RARB: variants seen among roughly 807,000 people sequenced by gnomAD.
RARB encodes HBV-activated protein.
RARB carries 17 observed loss-of-function variants against 51.9 expected under a neutral mutation model. The ratio of observed to expected loss-of-function variants is 0.33; its 90% CI spans 0.22 to 0.49. RARB has a LOEUF of 0.49. Ranked by LOEUF, RARB falls within the 20% of genes least tolerant of loss-of-function variation. RARB has a pLI of 0.99. For synonymous variants in RARB, 215 were observed against 195.4 expected, an observed-to-expected ratio of 1.10 and a Z score of -0.84; for missense variants, 369 against 550.8, an observed-to-expected ratio of 0.67 and a Z score of 3.30.
chr3:24,984,142 T>C (rs908149745), intron 2 of RARB, among the ~76,000 whole-genome samples: 1 of 152,138 alleles, frequency 6.6e-6, no homozygotes, highest in African/African-American at 2.4e-5. Context: ...TTCCTGAAAA[T>C]GTAAGCTAAG....
At chr3:25,153,089 G>C (rs1700317126) in intron 4 of RARB, among the ~76,000 whole-genome samples, 1 of 152,026 alleles carries the variant, frequency 6.6e-6, no homozygotes, top group Non-Finnish European at 1.5e-5. Flanking sequence ...ATTCTTCATT[G>C]CTTGTCCAAC....
intron 3 of RARB, among the ~76,000 whole-genome samples, chr3:25,565,564 A>G (rs561824029): frequency 3.3e-5 from 5 of 152,322 alleles, no homozygotes; most frequent in African/African-American, 9.6e-5. Context: ...TAGATACTCA[A>G]TAAATATTCA....
chr3:25,584,956 G>A (rs902357980), intron 5 of RARB, among the ~76,000 whole-genome samples: 1 of 122,006 alleles, frequency 8.2e-6, no homozygotes, highest in Non-Finnish European at 1.6e-5. Context: ...CTCACCCTCC[G>A]CCCCCACCCC....
chr3:25,365,683 T>A (rs1326658935), intron 5 of RARB, among the ~76,000 whole-genome samples: 3 of 152,170 alleles, frequency 2.0e-5, no homozygotes, highest in Non-Finnish European at 4.4e-5. Context: ...TTCATTTTCG[T>A]GTCTGTTATC....
At chr3:24,925,488 C>G (rs529781501) in intron 2 of RARB, among the ~76,000 whole-genome samples, 1 of 151,634 alleles carries the variant, frequency 6.6e-6, no homozygotes, top group African/African-American at 2.4e-5. Flanking sequence ...ACAATAAATA[C>G]AAAATTTAGC....
intron 5 of RARB, among the ~76,000 whole-genome samples, chr3:25,398,893 A>C (rs959464822): frequency 6.6e-6 from 1 of 152,210 alleles, no homozygotes; most frequent in South Asian, 2.1e-4. Flanking sequence ...ATAAATTCAT[A>C]TACCTATGTA....
At chr3:25,127,998 G>A (rs1397954029) in intron 3 of RARB, among the ~76,000 whole-genome samples, 3 of 152,086 alleles carry the variant, frequency 2.0e-5, no homozygotes, top group Non-Finnish European at 4.4e-5. Context: ...GCATCTGATA[G>A]GTTTCTAAGC....
Position 24,945,667 on chromosome 3 carries a change from G to T in RARB, c.-380+86915G>T, listed in dbSNP as rs554469752. The stretch of plus-strand genomic sequence containing the variant: ...ATCCTCTTTGGCAAGAATTAAAAGG[G>T]AATTCCCTTGGCACATTTGATTGCT... On this transcript the variant is annotated intron_variant, in intron 2 of 11. Transcript: ENST00000383772. Among the ~76,000 whole-genome samples the T allele has an allele frequency of 6.0e-4, 92 of 152,314 alleles. 1 individual carries two copies. The highest frequency in any genetic ancestry group is 2.1e-3 in the African/African-American group (88 of 41,580).
intron 2 of RARB, among the ~76,000 whole-genome samples, chr3:25,034,866 C>T (rs745348324): frequency 2.6e-5 from 4 of 152,190 alleles, no homozygotes; most frequent in African/African-American, 7.2e-5. Flanking sequence ...CATTGGAGTG[C>T]CATTTCCATG....
At chr3:24,853,495 G>A (rs1490649555) in intron 1 of RARB, among the ~76,000 whole-genome samples, 1 of 152,156 alleles carries the variant, frequency 6.6e-6, no homozygotes, top group South Asian at 2.1e-4. Flanking sequence ...CAGTAGAGAA[G>A]ACTCTGGTTT....
chr3:24,836,848 G>A (rs993155475), intron 1 of RARB, among the ~76,000 whole-genome samples: 5 of 152,118 alleles, frequency 3.3e-5, no homozygotes, highest in African/African-American at 4.8e-5. Context: ...TGTGAATAAC[G>A]GTAGTATATC....
At chr3:25,020,584 G>T (rs112229341) in intron 2 of RARB, 1 of 151,946 alleles carries the variant, frequency 6.6e-6, no homozygotes, top group African/African-American at 2.4e-5. Context: ...ACCTATGGTG[G>T]TCACATGAAA....
At chr3:25,173,586 C>T (rs1290730021) in intron 4 of RARB, among the ~76,000 whole-genome samples, 3 of 152,072 alleles carry the variant, frequency 2.0e-5, no homozygotes, top group East Asian at 1.9e-4. Flanking sequence ...TCCAAAGTTA[C>T]TCATATAAAA....
rs141261385 is a variant in RARB, at chr3:25,087,485, C to T, written c.-328+27309C>T. 3.9e-4 allele frequency among the ~76,000 whole-genome samples: 59 copies of T among 152,128 alleles called. No homozygotes were observed. In the East Asian group the frequency reaches 6.2e-3, roughly 16 times the overall value. On this transcript the variant is annotated intron_variant, in intron 3 of 11. Transcript: ENST00000383772. ...TGTCTTCCTTGTATAGCCTTTTAGC[C>T]ATGTAACCTTGGGCAAGTTAGCCTT...
chr3:24,964,301 C>T (rs1696208093), intron 2 of RARB, among the ~76,000 whole-genome samples: 1 of 152,032 alleles, frequency 6.6e-6, no homozygotes, highest in Non-Finnish European at 1.5e-5. Flanking sequence ...ATTTGATTTA[C>T]AAATTAAATA....
chr3:25,109,498 T>C (rs1699563975), intron 3 of RARB, among the ~76,000 whole-genome samples: 1 of 152,212 alleles, frequency 6.6e-6, no homozygotes, highest in African/African-American at 2.4e-5. Context: ...TACATGTTTT[T>C]TTAAACAGTC....
At chr3:25,146,060 T>A (rs1700183939) in intron 4 of RARB, among the ~76,000 whole-genome samples, 1 of 152,084 alleles carries the variant, frequency 6.6e-6, no homozygotes, top group Non-Finnish European at 1.5e-5. Context: ...ATGTGAGTCC[T>A]AGAGTCAGGC....
At chr3:24,839,420 A>G (rs1402572243) in intron 1 of RARB, among the ~76,000 whole-genome samples, 1 of 151,920 alleles carries the variant, frequency 6.6e-6, no homozygotes, top group African/African-American at 2.4e-5. Context: ...AATGGGAAGG[A>G]AGCCAGGCAT....
At chr3:24,996,442 C>T (rs935201607) in intron 2 of RARB, among the ~76,000 whole-genome samples, 2 of 151,796 alleles carry the variant, frequency 1.3e-5, no homozygotes, top group Middle Eastern at 3.2e-3. Flanking sequence ...GATTGCTTTT[C>T]TAATCTCAAT....
Sources: allele counts gnomAD v4.1 joint callset (sites outside exome capture counted in the v4.1 genomes callset), GRCh38; gene constraint gnomAD v4.1.1; transcripts MANE v1.5; gene names NCBI Gene and HGNC (gene_info 2026-07-23, HGNC 2026-07-21).